Variants in FRMD4B observed in about 807,000 individuals in gnomAD.
FRMD4B encodes the protein FERM domain-containing protein 4B.
A neutral mutation model predicts 141.5 loss-of-function variants in FRMD4B; 74 were observed. The ratio of observed to expected loss-of-function variants is 0.52; its 90% CI spans 0.43 to 0.63. FRMD4B has a LOEUF of 0.63. FRMD4B is among the 30% of genes least tolerant of loss of function. The probability of loss-of-function intolerance (pLI) is 0.00; values close to 1 mark genes in which losing one functional copy is unlikely to be tolerated. For missense variants in FRMD4B, 1,366 were observed against 1,253.4 expected (o/e 1.09, Z -1.36); for synonymous variants, 506 against 467.9 (o/e 1.08, Z -1.05).
intron 1 of FRMD4B, among the ~76,000 whole-genome samples, chr3:69,534,419 C>T (rs1206856978): frequency 6.6e-6 from 1 of 152,188 alleles, no homozygotes; most frequent in Non-Finnish European, 1.5e-5. Flanking sequence ...AAAATTAACT[C>T]ATGTACCACC....
chr3:69,477,732 G>A (rs62252319), intron 1 of FRMD4B, among the ~76,000 whole-genome samples: 6,396 of 150,782 alleles, frequency 0.042, 196 homozygotes, highest in Middle Eastern at 0.12. Flanking sequence ...ATGAGTTAGG[G>A]AGGATTCCCT....
chr3:69,233,276 G>A (rs1229119003), intron 7 of FRMD4B, among the ~76,000 whole-genome samples: 2 of 152,000 alleles, frequency 1.3e-5, no homozygotes, highest in African/African-American at 4.8e-5. Context: ...GAGCCCAGGA[G>A]TTCGAGACCA....
At chr3:69,466,563 C>CAGTTGGCTATATT (rs2106933398) in intron 1 of FRMD4B, among the ~76,000 whole-genome samples, 1 of 152,252 alleles carries the variant, frequency 6.6e-6, no homozygotes, top group African/African-American at 2.4e-5. Flanking sequence ...TAATATAGCA[C>CAGTTGGCTATATT]AGTTGGCCAT....
At chr3:69,405,952 G>A (rs893733252) in intron 2 of FRMD4B, among the ~76,000 whole-genome samples, 1 of 152,166 alleles carries the variant, frequency 6.6e-6, no homozygotes, top group African/African-American at 2.4e-5. Context: ...ACTTGGTTAT[G>A]TGGCACCTTG....
At chr3:69,175,068 G>A (rs1219669588) in intron 22 of FRMD4B, among the ~76,000 whole-genome samples, 1 of 151,974 alleles carries the variant, frequency 6.6e-6, no homozygotes. Flanking sequence ...ACTGAATGCG[G>A]AGGAAAAAAA....
intron 1 of FRMD4B, among the ~76,000 whole-genome samples, chr3:69,379,694 G>A (rs1704065667): frequency 6.6e-6 from 1 of 152,048 alleles, no homozygotes. Flanking sequence ...CTTGTCTGGG[G>A]ATTGGCAAAC....
intron 1 of FRMD4B, among the ~76,000 whole-genome samples, chr3:69,437,086 G>A (rs1467386408): frequency 6.6e-6 from 1 of 151,996 alleles, no homozygotes; most frequent in Non-Finnish European, 1.5e-5. Flanking sequence ...CATTGTGAAT[G>A]CACTTAGACA....
chr3:69,420,065 C>G (rs1197574348), intron 2 of FRMD4B, among the ~76,000 whole-genome samples: 2 of 152,122 alleles, frequency 1.3e-5, no homozygotes, highest in Non-Finnish European at 2.9e-5. Flanking sequence ...CCATGTTGGC[C>G]AGGCTGCTCT....
intron 2 of FRMD4B, among the ~76,000 whole-genome samples, chr3:69,400,670 T>G (rs1704549203): frequency 6.6e-6 from 1 of 152,230 alleles, no homozygotes; most frequent in South Asian, 2.1e-4. Context: ...GGTCTCTGGA[T>G]GTGACCTACC....
chr3:69,490,716 A>G (rs1706288956), intron 1 of FRMD4B, among the ~76,000 whole-genome samples: 1 of 152,104 alleles, frequency 6.6e-6, no homozygotes, highest in Admixed American at 6.5e-5. Flanking sequence ...TAAAGGATTT[A>G]CTGTGTATCT....
intron 2 of FRMD4B, among the ~76,000 whole-genome samples, chr3:69,408,950 C>T (rs537087871): frequency 6.6e-6 from 1 of 152,066 alleles, no homozygotes; most frequent in South Asian, 2.1e-4. Flanking sequence ...TGCACTTACC[C>T]ACCTTATAAT....
intron 22 of FRMD4B, among the ~76,000 whole-genome samples, chr3:69,172,799 C>A (rs765135572): frequency 6.6e-6 from 1 of 152,028 alleles, no homozygotes; most frequent in Non-Finnish European, 1.5e-5. Context: ...ATTATTGTAA[C>A]GGTAGGTTAA....
At chr3:69,419,084 G>T (rs969737488) in intron 2 of FRMD4B, among the ~76,000 whole-genome samples, 3 of 152,120 alleles carry the variant, frequency 2.0e-5, no homozygotes, top group African/African-American at 7.2e-5. Flanking sequence ...ATGTGAAATG[G>T]TTGACAGCCA....
chr3:69,172,518 CT>C (rs894955792), intron 22 of FRMD4B, among the ~76,000 whole-genome samples: 8 of 152,066 alleles, frequency 5.3e-5, no homozygotes, highest in African/African-American at 1.9e-4. Flanking sequence ...ATATTTTTAA[CT>C]TTTTAAAAAG....
chr3:69,538,560 A>G (rs1325411096), intron 1 of FRMD4B, among the ~76,000 whole-genome samples: 1 of 152,212 alleles, frequency 6.6e-6, no homozygotes, highest in African/African-American at 2.4e-5. Flanking sequence ...ATACCTAAAA[A>G]AAATTACTGG....
At chr3:69,260,611 C>T (rs537859654) in intron 5 of FRMD4B, among the ~76,000 whole-genome samples, 9 of 152,378 alleles carry the variant, frequency 5.9e-5, no homozygotes, top group South Asian at 4.1e-4. Flanking sequence ...CTGGTCCCAT[C>T]GACCGCCTAA....
intron 1 of FRMD4B, among the ~76,000 whole-genome samples, chr3:69,490,931 T>C (rs1706292428): frequency 6.6e-6 from 1 of 152,088 alleles, no homozygotes; most frequent in African/African-American, 2.4e-5. Flanking sequence ...CATCCCCACC[T>C]CCTCCAAGAA....
At chr3:69,303,243 A>G (rs1445247932) in intron 3 of FRMD4B, among the ~76,000 whole-genome samples, 4 of 86,184 alleles carry the variant, frequency 4.6e-5, no homozygotes, top group African/African-American at 1.2e-4. Context: ...GCTCGAGCCC[A>G]GGTGTTTGAG....
intron 11 of FRMD4B, chr3:69,200,751 T>C: frequency 8.9e-7 from 1 of 1,119,928 alleles, no homozygotes; most frequent in South Asian, 1.3e-5. Flanking sequence ...TTGCTTTGAA[T>C]CCAAGGACGA....
Sources: allele counts gnomAD v4.1 joint callset (sites outside exome capture counted in the v4.1 genomes callset), GRCh38; gene constraint gnomAD v4.1.1; transcripts MANE v1.5; gene names NCBI Gene and HGNC (gene_info 2026-07-23, HGNC 2026-07-21).